ZNF362: variants seen among roughly 807,000 people sequenced by gnomAD.
ZNF362 encodes the protein zinc finger protein 362.
Under a neutral mutation model 42.9 loss-of-function variants are expected in ZNF362, and 11 were observed. That is an observed-to-expected ratio of 0.26 (90% CI 0.16 to 0.42). ZNF362 has a LOEUF of 0.42. Among genes scored for constraint, ZNF362 ranks in the 20% least tolerant of loss-of-function variants. The pLI is 1.00. For synonymous variants in ZNF362, 255 were observed against 257.3 expected (o/e 0.99, Z 0.09); for missense variants, 362 against 576.2 (o/e 0.63, Z 3.81).
At chr1:33,171,511 C>T in the ZNF362 span, among the ~76,000 whole-genome samples, 1 of 152,190 alleles carries the variant, frequency 6.6e-6, no homozygotes, top group Non-Finnish European at 1.5e-5. Context: ...CTTGGCCTCC[C>T]TACCTCCCAT....
the ZNF362 span, among the ~76,000 whole-genome samples, chr1:33,161,703 T>A: frequency 6.6e-6 from 1 of 152,220 alleles, no homozygotes; most frequent in East Asian, 1.9e-4. The surrounding 1 kb of genome is among the most constrained non-coding windows in gnomAD (Gnocchi z 4.3). Flanking sequence ...ATGGGGAAGA[T>A]GGGGTCCGTC....
At chr1:33,240,718 A>G in the ZNF362 span, among the ~76,000 whole-genome samples, 1 of 152,284 alleles carries the variant, frequency 6.6e-6, no homozygotes, top group African/African-American at 2.4e-5. Flanking sequence ...AACCCGTCAT[A>G]TCCCATATCC....
chr1:33,159,504 GC>G, the ZNF362 span, among the ~76,000 whole-genome samples: 1 of 152,148 alleles, frequency 6.6e-6, no homozygotes, highest in East Asian at 1.9e-4. This position sits in a 1 kb window ranked among gnomAD's most constrained non-coding sequence, Gnocchi z 4.2. Flanking sequence ...TCTAGTTCAA[GC>G]CTCACTGGCT....
the ZNF362 span, among the ~76,000 whole-genome samples, chr1:33,221,482 C>T: frequency 1.3e-5 from 2 of 152,232 alleles, no homozygotes; most frequent in African/African-American, 4.8e-5. Context: ...AGGGTTGCTG[C>T]CGTCTTTGTA....
chr1:33,226,789 C>T, the ZNF362 span, among the ~76,000 whole-genome samples: 4 of 152,130 alleles, frequency 2.6e-5, no homozygotes, highest in South Asian at 4.1e-4. Flanking sequence ...CGCTTGAACC[C>T]GGGAGGCAGA....
At chr1:33,208,670 G>A in the ZNF362 span, among the ~76,000 whole-genome samples, 2 of 152,034 alleles carry the variant, frequency 1.3e-5, no homozygotes, top group Non-Finnish European at 2.9e-5. Flanking sequence ...GGATTCCTAG[G>A]TATTTTATTC....
At chr1:33,234,027 C>A in the ZNF362 span, among the ~76,000 whole-genome samples, 1 of 152,152 alleles carries the variant, frequency 6.6e-6, no homozygotes, top group Non-Finnish European at 1.5e-5. Flanking sequence ...CAATAAATCT[C>A]ATCTATTTTT....
At chr1:33,233,764 C>A in the ZNF362 span, among the ~76,000 whole-genome samples, 2 of 152,120 alleles carry the variant, frequency 1.3e-5, no homozygotes, top group East Asian at 3.9e-4. Context: ...AGACTTTGTG[C>A]CTCTGGAGCC....
At chr1:33,286,580 C>G (rs1019856377) in intron 6 of ZNF362, among the ~76,000 whole-genome samples, 1 of 151,898 alleles carries the variant, frequency 6.6e-6, no homozygotes, top group Admixed American at 6.6e-5. Flanking sequence ...AGGATTCTAT[C>G]AACATTTGGA....
chr1:33,132,155 C>T, the ZNF362 span, among the ~76,000 whole-genome samples: 2 of 152,154 alleles, frequency 1.3e-5, no homozygotes, highest in South Asian at 2.1e-4. Flanking sequence ...CCAGCTGCTA[C>T]GGCTATGGGA....
chr1:33,243,155 T>TATGTTATGTTATGTTATGTTATGTC, the ZNF362 span, among the ~76,000 whole-genome samples: 240 of 151,632 alleles, frequency 1.6e-3, 2 homozygotes, highest in African/African-American at 5.6e-3. Context: ...TATGTTATGT[T>TATGTTATGTTATGTTATGTTATGTC]ATGTTGTTAT....
At chr1:33,261,869 T>G (rs1197808492) in intron 1 of ZNF362, among the ~76,000 whole-genome samples, 1 of 152,212 alleles carries the variant, frequency 6.6e-6, no homozygotes, top group Non-Finnish European at 1.5e-5. Flanking sequence ...AGGCTGCTGC[T>G]GCAGTATCTG....
chr1:33,141,400 A>G, the ZNF362 span, among the ~76,000 whole-genome samples: 1 of 152,108 alleles, frequency 6.6e-6, no homozygotes, highest in Non-Finnish European at 1.5e-5. Context: ...TTGAGTACTC[A>G]TCTCAGCTCC....
intron 6 of ZNF362, among the ~76,000 whole-genome samples, chr1:33,293,308 T>C (rs1476508138): frequency 6.6e-6 from 1 of 152,110 alleles, no homozygotes; most frequent in African/African-American, 2.4e-5. Flanking sequence ...GGAAGAATCA[T>C]TATCTGACCA....
chr1:33,231,428 G>T, the ZNF362 span, among the ~76,000 whole-genome samples: 5 of 152,174 alleles, frequency 3.3e-5, no homozygotes, highest in African/African-American at 1.2e-4. Flanking sequence ...TGAAGACCAA[G>T]GCACGGAGAC....
the ZNF362 span, among the ~76,000 whole-genome samples, chr1:33,185,304 C>T: frequency 3.9e-5 from 6 of 152,142 alleles, no homozygotes; most frequent in Non-Finnish European, 8.8e-5. Context: ...TCACTGCAAC[C>T]TCCACCTCCC....
chr1:33,145,460 T>C, the ZNF362 span: 1 of 166,826 alleles, frequency 6.0e-6, no homozygotes, highest in African/African-American at 2.4e-5. Context: ...TGGGCAACAT[T>C]TTAAATAAAA....
the ZNF362 span, among the ~76,000 whole-genome samples, chr1:33,219,492 C>A: frequency 6.6e-6 from 1 of 152,288 alleles, no homozygotes; most frequent in African/African-American, 2.4e-5. Flanking sequence ...GGGGAGGACT[C>A]GTGAAGACCT....
the ZNF362 span, among the ~76,000 whole-genome samples, chr1:33,249,902 G>A: frequency 6.6e-6 from 1 of 152,188 alleles, no homozygotes; most frequent in Non-Finnish European, 1.5e-5. Context: ...TGCAGAGACA[G>A]GAAGAAACTT....
Sources: allele counts gnomAD v4.1 joint callset (sites outside exome capture counted in the v4.1 genomes callset), GRCh38; gene constraint gnomAD v4.1.1; non-coding constraint Gnocchi (gnomAD v3.1); transcripts MANE v1.5; gene names NCBI Gene and HGNC (gene_info 2026-07-23, HGNC 2026-07-21).